MELK: variants seen among roughly 807,000 people sequenced by gnomAD.
MELK encodes the protein maternal embryonic leucine zipper kinase, also known as pEg3 kinase.
A neutral mutation model predicts 85.0 loss-of-function variants in MELK; 81 were observed. That is an observed-to-expected ratio of 0.95 (90% CI 0.80 to 1.15). The LOEUF is 1.15. Ranked by LOEUF, MELK falls within the 50% of genes most tolerant of loss-of-function variation. The probability of loss-of-function intolerance (pLI) is 0.00; values close to 1 mark genes in which losing one functional copy is unlikely to be tolerated. For synonymous variants in MELK, 252 were observed against 265.0 expected (o/e 0.95, Z 0.48); for missense variants, 754 against 777.5 (o/e 0.97, Z 0.36).
intron 10 of MELK, among the ~76,000 whole-genome samples, chr9:36,638,743 C>T (rs1455809958): frequency 6.6e-6 from 1 of 152,112 alleles, no homozygotes; most frequent in East Asian, 1.9e-4. Context: ...ATCCTATGGG[C>T]TTTATGTTGT....
rs146767158 is a variant in MELK, at chr9:36,660,268, C to G, written c.1176+2905C>G. ...CATTTTTGTTAGTTTATTGTGGTCA[C>G]CAGCTATTACTTACTGCTTCGGCAG... On this transcript the variant is annotated intron_variant, in intron 13 of 17. Coordinates refer to ENST00000298048, the MANE Select transcript of MELK (RefSeq NM_014791.4). Among the ~76,000 whole-genome samples the G allele has an allele frequency of 8.8e-4, 134 of 152,252 alleles. 1 individual carries two copies. The highest frequency in any genetic ancestry group is 1.4e-3 in the East Asian group (7 of 5,174).
chr9:36,639,437 G>A (rs577914038), intron 10 of MELK, among the ~76,000 whole-genome samples: 153 of 152,226 alleles, frequency 1.0e-3, no homozygotes, highest in African/African-American at 3.4e-3. Flanking sequence ...GTAACTCTAC[G>A]CATGATCGCC....
At chr9:36,665,729 A>AATGC in intron 14 of MELK, 148 bp downstream of exon 14, 2 of 581,068 alleles carry the variant, frequency 3.4e-6, no homozygotes, top group Non-Finnish European at 5.9e-6. Flanking sequence ...TGCATTAGTT[A>AATGC]AAATGAAAGC....
In MELK at chr9:36,633,104, G is replaced by A. The variant is rs755078966; in HGVS notation, c.738G>A (p.Val246=). 1 of 1,605,240 alleles carries A rather than the reference G, an allele frequency of 6.2e-7. No homozygotes were observed. The highest frequency in any genetic ancestry group is 2.2e-5 in the East Asian group (1 of 44,740). Residue 246 remains valine (V), a splice_region_variant and synonymous_variant, in exon 10 of 18, where the codon GTG becomes GTA. Transcript: ENST00000298048. ...AGCTACTTTTTAATGGCCACTAGGT[G>A]GACCCAAAGAAACGGATTTCTATGA... ...SILLLQQMLQ[V]DPKKRISMKN...
At chr9:36,647,680 G>A (rs112556673) in intron 11 of MELK, among the ~76,000 whole-genome samples, 2,197 of 151,918 alleles carry the variant, frequency 0.014, 48 homozygotes, top group African/African-American at 0.049. Context: ...GTAGAGACAG[G>A]GTTTTACCAT....
intron 13 of MELK, among the ~76,000 whole-genome samples, chr9:36,663,890 C>A (rs1417928798): frequency 6.6e-6 from 1 of 152,018 alleles, no homozygotes; most frequent in East Asian, 1.9e-4. Flanking sequence ...GATTTCTTTT[C>A]CTTTGGGAAA....
At chr9:36,579,103 C>T (rs915184229) in intron 1 of MELK, among the ~76,000 whole-genome samples, 2 of 152,162 alleles carry the variant, frequency 1.3e-5, no homozygotes, top group Non-Finnish European at 2.9e-5. Context: ...TCTCGGCTCA[C>T]TGCAACCTCC....
rs150573811 is a variant in MELK, at chr9:36,605,528, C to A, written c.568-2047C>A. On this transcript the variant is annotated intron_variant, in intron 7 of 17. Transcript: ENST00000298048. ...CACCTGATCTGCTTTGAATTTAATA[C>A]CATGAATGAGTGTCATACCATCATG... Among the ~76,000 whole-genome samples, 1,396 of 151,940 alleles carry A rather than the reference C, an allele frequency of 9.2e-3. 24 individuals carry two copies. The highest frequency in any genetic ancestry group is 0.03 in the African/African-American group (1,250 of 41,460).
At chr9:36,651,957 C>A (rs942401379) in intron 12 of MELK, 80 bp downstream of exon 12, 201 of 1,325,776 alleles carry the variant, frequency 1.5e-4, no homozygotes, top group South Asian at 1.1e-3. Context: ...GGTAAACTTT[C>A]CGGTGTCAAG....
At chr9:36,661,703 A>C (rs1451968322) in intron 13 of MELK, among the ~76,000 whole-genome samples, 1 of 152,110 alleles carries the variant, frequency 6.6e-6, no homozygotes, top group Admixed American at 6.5e-5. Context: ...TTGGGAGGCC[A>C]AGGTGGGTGG....
chr9:36,666,969 A>G (rs1464184737), intron 14 of MELK, among the ~76,000 whole-genome samples: 1 of 150,666 alleles, frequency 6.6e-6, no homozygotes, highest in Non-Finnish European at 1.5e-5. Context: ...ATTCAGTGAG[A>G]TAGCCTCTAC....
At chr9:36,589,484 G>T in intron 3 of MELK, 52 bp from the exon 4 acceptor site, 1 of 1,442,010 alleles carries the variant, frequency 6.9e-7, no homozygotes. Context: ...TTGGAGCTTG[G>T]AACACCACCT....
intron 7 of MELK, among the ~76,000 whole-genome samples, chr9:36,603,622 T>G (rs566159345): frequency 1.3e-5 from 2 of 151,938 alleles, no homozygotes; most frequent in Non-Finnish European, 2.9e-5. Context: ...TTTGTAGAGA[T>G]AGGGTCTTGC....
At chr9:36,648,900 T>A (rs1195846856) in intron 11 of MELK, among the ~76,000 whole-genome samples, 1 of 151,858 alleles carries the variant, frequency 6.6e-6, no homozygotes, top group African/African-American at 2.4e-5. Context: ...GGAAAACTTC[T>A]AACATGAAAG....
intron 8 of MELK, among the ~76,000 whole-genome samples, chr9:36,618,394 C>T (rs1587456450): frequency 7.3e-6 from 1 of 136,240 alleles, no homozygotes; most frequent in East Asian, 2.1e-4. Flanking sequence ...GGGTGACAGA[C>T]AGAGGCTCCT....
chr9:36,620,241 C>T (rs1178980477), intron 8 of MELK, among the ~76,000 whole-genome samples: 1 of 152,188 alleles, frequency 6.6e-6, no homozygotes, highest in Non-Finnish European at 1.5e-5. Flanking sequence ...GAAGGATCCC[C>T]TCCCAAGCAT....
intron 17 of MELK, 138 bp downstream of exon 17, chr9:36,675,075 C>T (rs188394353): frequency 1.9e-5 from 10 of 525,900 alleles, no homozygotes; most frequent in Non-Finnish European, 2.7e-5. Flanking sequence ...CACTTGAGGC[C>T]AAGAGTTCAA....
chr9:36,593,658 A>G (rs951608305), intron 4 of MELK, among the ~76,000 whole-genome samples: 5 of 152,110 alleles, frequency 3.3e-5, no homozygotes, highest in African/African-American at 1.2e-4. Context: ...AATGATCTTT[A>G]AGGTACGTTT....
rs200225166 is a variant in MELK at position 36,674,820 on chromosome 9, T to C, written c.1675-14T>C. On this transcript the variant is annotated splice_polypyrimidine_tract_variant and intron_variant, in intron 16 of 17. Transcript: ENST00000298048. ...TAAAAATTTACTTCTCATCTCTTCT[T>C]TTTCTTTTCTTAGCTTCACTATAAC... The C allele has an allele frequency of 6.0e-6, 9 of 1,499,914 alleles. No individual in the cohort carries two copies. In the East Asian group the frequency reaches 1.4e-4, roughly 23 times the overall value. The allele number at this position is 1,499,914 out of a possible 1,614,324, so 92.9% of individuals were successfully genotyped here. A position where few individuals can be genotyped will look rare whatever the true frequency, so the allele number is the denominator to read the frequency against.
Sources: allele counts gnomAD v4.1 joint callset (sites outside exome capture counted in the v4.1 genomes callset), GRCh38; gene constraint gnomAD v4.1.1; transcripts MANE v1.5; gene names NCBI Gene and HGNC (gene_info 2026-07-23, HGNC 2026-07-21).